Variants in KCNH8 observed in about 807,000 individuals in gnomAD.
KCNH8 encodes the protein potassium voltage-gated channel subfamily H member 8.
In KCNH8, 70 loss-of-function variants were observed where a neutral mutation model predicts 103.6. That is an observed-to-expected ratio of 0.68 (90% CI 0.56 to 0.82). KCNH8 has a LOEUF of 0.82. KCNH8 is among the 40% of genes least tolerant of loss of function. The pLI, the probability that KCNH8 is intolerant of heterozygous loss-of-function variation, is 0.00. For missense variants in KCNH8, 1,217 were observed against 1,329.9 expected (o/e 0.92, Z 1.32); for synonymous variants, 498 against 489.4 (o/e 1.02, Z -0.23).
At chr3:19,179,264 T>G (rs1164671718) in intron 1 of KCNH8, among the ~76,000 whole-genome samples, 1 of 152,084 alleles carries the variant, frequency 6.6e-6, no homozygotes. Flanking sequence ...ATACCATATA[T>G]GAATTATCCA....
chr3:19,184,511 CTT>C (rs1218518322), intron 1 of KCNH8, among the ~76,000 whole-genome samples: 1 of 151,842 alleles, frequency 6.6e-6, no homozygotes, highest in Non-Finnish European at 1.5e-5. Context: ...ACTGAAAAAT[CTT>C]AACGTTTAAT....
intron 1 of KCNH8, among the ~76,000 whole-genome samples, chr3:19,198,706 CA>C (rs111598243): frequency 0.02 from 2,974 of 152,074 alleles, 92 homozygotes; most frequent in African/African-American, 0.066. Flanking sequence ...TTATAACAAC[CA>C]GTGCCAATAC....
chr3:19,258,950 TA>T (rs1385687128), intron 2 of KCNH8, among the ~76,000 whole-genome samples: 1 of 60,010 alleles, frequency 1.7e-5, no homozygotes, highest in Non-Finnish European at 3.3e-5. Context: ...TCTCTCTCTA[TA>T]TATATATATA....
chr3:19,366,574 TTAATG>T (rs1322540167), intron 5 of KCNH8, among the ~76,000 whole-genome samples: 1 of 152,088 alleles, frequency 6.6e-6, no homozygotes, highest in Non-Finnish European at 1.5e-5. Flanking sequence ...ATTTAGAAAC[TTAATG>T]TAATGAAAGG....
chr3:19,170,655 T>C (rs1318821688), intron 1 of KCNH8, among the ~76,000 whole-genome samples: 1 of 141,480 alleles, frequency 7.1e-6, no homozygotes, highest in Non-Finnish European at 1.5e-5. Context: ...TACACACACA[T>C]ATATACACAC....
intron 11 of KCNH8, among the ~76,000 whole-genome samples, chr3:19,495,145 A>T (rs1314441302): frequency 6.6e-6 from 1 of 152,084 alleles, no homozygotes; most frequent in African/African-American, 2.4e-5. Flanking sequence ...CCCATTCCGT[A>T]GGTTGTCTTT....
intron 11 of KCNH8, among the ~76,000 whole-genome samples, chr3:19,488,767 G>A (rs2068262292): frequency 1.3e-5 from 2 of 152,062 alleles, no homozygotes; most frequent in African/African-American, 2.4e-5. Flanking sequence ...TATATTCTTG[G>A]GGGTTTTGGT....
chr3:19,495,142 C>T (rs1320580230), intron 11 of KCNH8, among the ~76,000 whole-genome samples: 4 of 151,970 alleles, frequency 2.6e-5, no homozygotes, highest in East Asian at 3.9e-4. Flanking sequence ...TCTCCCATTC[C>T]GTAGGTTGTC....
intron 1 of KCNH8, among the ~76,000 whole-genome samples, chr3:19,250,357 A>G (rs909403573): frequency 1.3e-5 from 2 of 152,226 alleles, no homozygotes; most frequent in Non-Finnish European, 2.9e-5. Context: ...ATAAAAGTAA[A>G]TATATCAATC....
chr3:19,530,827 AG>A (rs1432347229), intron 15 of KCNH8, among the ~76,000 whole-genome samples: 1 of 152,220 alleles, frequency 6.6e-6, no homozygotes, highest in Non-Finnish European at 1.5e-5. Flanking sequence ...TACCAAACTT[AG>A]AAGTCCTAAA....
At chr3:19,297,369 G>T (rs2065009941) in intron 3 of KCNH8, among the ~76,000 whole-genome samples, 1 of 152,100 alleles carries the variant, frequency 6.6e-6, no homozygotes, top group South Asian at 2.1e-4. Flanking sequence ...CTTACAATAA[G>T]ATTCAGCAAT....
Position 19,229,383 on chromosome 3 carries a change from A to G in KCNH8, c.77-24271A>G, listed in dbSNP as rs146165939. Among the ~76,000 whole-genome samples the G allele has an allele frequency of 4.2e-3, 636 of 152,268 alleles. 4 individuals are homozygous for G. Among genetic ancestry groups the G allele is most frequent in the African/African-American group, 0.015 (604 of 41,550 alleles). On this transcript the variant is annotated intron_variant, in intron 1 of 15. Transcript: ENST00000328405. Reference sequence around the variant, plus strand: ...TGCCTGGCCATCCAGGCATTTCCGTATACCTTCTGAAATCTAGGTGGAGGT... The same window carrying G: ...TGCCTGGCCATCCAGGCATTTCCGTGTACCTTCTGAAATCTAGGTGGAGGT...
intron 11 of KCNH8, among the ~76,000 whole-genome samples, chr3:19,492,723 A>G (rs1274821764): frequency 6.6e-6 from 1 of 152,044 alleles, no homozygotes; most frequent in Non-Finnish European, 1.5e-5. Context: ...TTGAAGAATG[A>G]TATTGGTAGT....
intron 11 of KCNH8, among the ~76,000 whole-genome samples, chr3:19,489,797 C>G (rs1250996238): frequency 6.6e-6 from 1 of 152,036 alleles, no homozygotes; most frequent in Non-Finnish European, 1.5e-5. Context: ...CAGAAACAAC[C>G]AAAATCAGAG....
At chr3:19,239,666 C>T (rs1398595881) in intron 1 of KCNH8, among the ~76,000 whole-genome samples, 1 of 151,706 alleles carries the variant, frequency 6.6e-6, no homozygotes, top group African/African-American at 2.4e-5. Context: ...ATCTATCTAT[C>T]TATCTATCTA....
chr3:19,380,146 C>T (rs2066269254), intron 5 of KCNH8, among the ~76,000 whole-genome samples: 1 of 152,140 alleles, frequency 6.6e-6, no homozygotes, highest in African/African-American at 2.4e-5. Context: ...ACTCTAGATA[C>T]TATAATTTAT....
At chr3:19,431,811 A>G (rs917127500) in intron 7 of KCNH8, among the ~76,000 whole-genome samples, 1 of 152,094 alleles carries the variant, frequency 6.6e-6, no homozygotes, top group African/African-American at 2.4e-5. Context: ...ACATTCTCTC[A>G]TGGTTCTTTG....
chr3:19,185,781 C>G (rs909143785), intron 1 of KCNH8, among the ~76,000 whole-genome samples: 10 of 151,910 alleles, frequency 6.6e-5, no homozygotes, highest in African/African-American at 1.9e-4. Flanking sequence ...TTCCTACATT[C>G]TAATTACTGG....
intron 1 of KCNH8, among the ~76,000 whole-genome samples, chr3:19,159,084 T>A (rs1421558700): frequency 1.3e-5 from 2 of 151,934 alleles, no homozygotes; most frequent in East Asian, 1.9e-4. Flanking sequence ...GAAGACTTTG[T>A]AATGTATTCC....
Sources: gnomAD v4.1 joint callset for allele counts (sites outside exome capture counted in the v4.1 genomes callset) on GRCh38, gnomAD v4.1.1 for gene constraint, MANE v1.5 for transcripts, NCBI Gene and HGNC (gene_info 2026-07-23, HGNC 2026-07-21) for gene names.